Variants in PTPRN2 observed in about 807,000 individuals in gnomAD.
The protein encoded by PTPRN2 is protein tyrosine phosphatase receptor type N2, also known as receptor-type tyrosine-protein phosphatase N2.
A neutral mutation model predicts 118.8 loss-of-function variants in PTPRN2; 74 were observed. The ratio of observed to expected loss-of-function variants is 0.62; its 90% CI spans 0.52 to 0.76. The LOEUF (loss-of-function observed/expected upper bound fraction) is 0.76, where lower values mean the gene tolerates loss of function less well. Ranked by LOEUF, PTPRN2 falls within the 30% of genes least tolerant of loss-of-function variation. The pLI is 0.00. For missense variants in PTPRN2, 1,481 were observed against 1,394.4 expected, an observed-to-expected ratio of 1.06 and a Z score of -0.99; for synonymous variants, 641 against 608.0, an observed-to-expected ratio of 1.05 and a Z score of -0.80.
intron 2 of PTPRN2, among the ~76,000 whole-genome samples, chr7:158,447,938 G>A (rs907724287): frequency 6.6e-6 from 1 of 152,246 alleles, no homozygotes; most frequent in Non-Finnish European, 1.5e-5. Context: ...ACGGCACAGG[G>A]CAAATGCCAG....
intron 3 of PTPRN2, among the ~76,000 whole-genome samples, chr7:158,290,830 CA>C (rs1800075270): frequency 1.3e-5 from 2 of 152,222 alleles, no homozygotes; most frequent in Middle Eastern, 3.2e-3. Flanking sequence ...TATTTTTGCA[CA>C]CAGATAGATG....
chr7:158,435,921 G>A (rs1386735736), intron 2 of PTPRN2, among the ~76,000 whole-genome samples: 2 of 152,140 alleles, frequency 1.3e-5, no homozygotes, highest in Non-Finnish European at 2.9e-5. Context: ...GGGCTGGGTC[G>A]GGGCAGGGTG....
chr7:157,734,862 G>A (rs1479715644), intron 12 of PTPRN2, among the ~76,000 whole-genome samples: 1 of 152,252 alleles, frequency 6.6e-6, no homozygotes, highest in East Asian at 1.9e-4. Context: ...CCAGGACCTG[G>A]CGCTCGGCCA....
At chr7:157,884,670 G>A (rs932451125) in intron 12 of PTPRN2, among the ~76,000 whole-genome samples, 2 of 152,216 alleles carry the variant, frequency 1.3e-5, no homozygotes, top group African/African-American at 4.8e-5. Flanking sequence ...ATCTCACAGG[G>A]TGGCAGACAA....
At position 158,015,560 on chromosome 7, in the gene PTPRN2, T is replaced by C. The variant is rs1444690579; in HGVS notation, c.1723+65738A>G. Among the ~76,000 whole-genome samples the C allele has an allele frequency of 2.0e-5, 3 of 151,998 alleles. No homozygotes were observed. Among genetic ancestry groups the C allele is most frequent in the Non-Finnish European group, 4.4e-5 (3 of 68,012 alleles). On this transcript the variant is annotated intron_variant, in intron 11 of 22. Transcript: ENST00000389418. This position sits in a 1 kb window ranked among gnomAD's most constrained non-coding sequence, Gnocchi z 4.2. ...TCACCGCCCCCGCCCCTCACCCCTG[T>C]ATGTGCATCTGGAATCCACTTTCAG...
At chr7:158,583,642 C>T (rs1298772467) in intron 1 of PTPRN2, among the ~76,000 whole-genome samples, 1 of 152,238 alleles carries the variant, frequency 6.6e-6, no homozygotes, top group Non-Finnish European at 1.5e-5. Context: ...TGACACCCTA[C>T]ATCCTGCTTC....
chr7:157,548,982 G>A lies in PTPRN2; in HGVS notation c.2940C>T (p.His980=), dbSNP rs1332914201. 3 of 1,614,082 alleles carry A rather than the reference G, an allele frequency of 1.9e-6. No homozygotes were observed. Among genetic ancestry groups the A allele is most frequent in the Non-Finnish European group, 2.5e-6 (3 of 1,180,046 alleles). ...CCATGCCGGGTCTCTGGTCCCTCAA[G>A]TGCTCCAGGGTCGCTGCGATATCAA... ...KEIDIAATLE[H]LRDQRPGMVQ... Residue 980 remains histidine, a synonymous_variant, in exon 22 of 23, where the codon CAC becomes CAT. Transcript: ENST00000389418.
At chr7:158,162,580 A>C (rs1822454820) in intron 6 of PTPRN2, among the ~76,000 whole-genome samples, 1 of 151,946 alleles carries the variant, frequency 6.6e-6, no homozygotes, top group Admixed American at 6.6e-5. Flanking sequence ...CATGGTTGCC[A>C]GGTCTCGAGT....
intron 6 of PTPRN2, among the ~76,000 whole-genome samples, chr7:158,159,955 A>G (rs1822211588): frequency 6.6e-6 from 1 of 152,180 alleles, no homozygotes. Context: ...ATATCTGAAT[A>G]TCAAAATCTC....
intron 11 of PTPRN2, among the ~76,000 whole-genome samples, chr7:157,945,290 T>A (rs1279080915): frequency 6.6e-6 from 1 of 152,046 alleles, no homozygotes; most frequent in Non-Finnish European, 1.5e-5. Flanking sequence ...CACTGGGTTC[T>A]CCTTCCAGAC....
intron 11 of PTPRN2, among the ~76,000 whole-genome samples, chr7:157,907,985 C>G (rs950092507): frequency 6.6e-6 from 1 of 152,234 alleles, no homozygotes; most frequent in Non-Finnish European, 1.5e-5. Context: ...GTCTGTCCCC[C>G]GTGACCCCAG....
intron 11 of PTPRN2, among the ~76,000 whole-genome samples, chr7:157,936,418 G>A (rs978370003): frequency 1.3e-5 from 2 of 152,082 alleles, no homozygotes; most frequent in Non-Finnish European, 2.9e-5. Flanking sequence ...ACCAGGCCCC[G>A]CGAGCATCCT....
In PTPRN2 at chr7:157,796,908, C is replaced by G. The variant is rs541883481; in HGVS notation, c.1788+101765G>C. On this transcript the variant is annotated intron_variant, in intron 12 of 22. Coordinates refer to ENST00000389418, the MANE Select transcript of PTPRN2 (RefSeq NM_002847.5). ...AGTCACCACCCCCCAGGCCCCACAC[C>G]CAACACTGGGGATTACGGTTCGACA... is the stretch of plus-strand genomic sequence containing the variant. 5.9e-5 allele frequency among the ~76,000 whole-genome samples: 9 copies of G among 152,274 alleles called. No individual in the cohort carries two copies. The South Asian group carries it at 1.9e-3, about 32-fold the overall frequency.
intron 1 of PTPRN2, chr7:158,539,924 G>T (rs1220283179): frequency 4.4e-6 from 1 of 226,656 alleles, no homozygotes; most frequent in Non-Finnish European, 8.9e-6. Flanking sequence ...CATACTGTGA[G>T]CCTGGACCTG....
intron 8 of PTPRN2, 107 bp downstream of exon 8, chr7:158,136,548 T>A: frequency 9.6e-7 from 1 of 1,044,672 alleles, no homozygotes. Flanking sequence ...CTCCATAATT[T>A]TCTGGGAAAA....
intron 9 of PTPRN2, among the ~76,000 whole-genome samples, chr7:158,117,245 C>A (rs1006841549): frequency 6.6e-6 from 1 of 151,960 alleles, no homozygotes; most frequent in South Asian, 2.1e-4. Flanking sequence ...AAAAGAAATT[C>A]TGAAGCTCAA....
At chr7:157,743,906 C>T (rs1324335151) in intron 12 of PTPRN2, among the ~76,000 whole-genome samples, 2 of 152,218 alleles carry the variant, frequency 1.3e-5, no homozygotes, top group Non-Finnish European at 2.9e-5. Context: ...ATTTCTTTGC[C>T]ACCAGCCACG....
intron 1 of PTPRN2, among the ~76,000 whole-genome samples, chr7:158,562,801 G>C (rs944707013): frequency 6.6e-6 from 1 of 152,110 alleles, no homozygotes; most frequent in Non-Finnish European, 1.5e-5. Context: ...GATCAATGAC[G>C]CTCCCAGGGG....
intron 12 of PTPRN2, among the ~76,000 whole-genome samples, chr7:157,832,371 C>T (rs1807624766): frequency 6.6e-6 from 1 of 152,162 alleles, no homozygotes; most frequent in Admixed American, 6.5e-5. Context: ...TTGGTCTGTT[C>T]AGGAAGGTTG....
Sources: allele counts gnomAD v4.1 joint callset (sites outside exome capture counted in the v4.1 genomes callset), GRCh38; gene constraint gnomAD v4.1.1; non-coding constraint Gnocchi (gnomAD v3.1); transcripts MANE v1.5; gene names NCBI Gene and HGNC (gene_info 2026-07-23, HGNC 2026-07-21).